Variants in SYT9 observed in about 807,000 individuals in gnomAD.
SYT9 encodes synaptotagmin-9.
Under a neutral mutation model 48.4 loss-of-function variants are expected in SYT9, and 22 were observed. The ratio of observed to expected loss-of-function variants is 0.45; its 90% CI spans 0.32 to 0.65. The LOEUF (loss-of-function observed/expected upper bound fraction) is 0.65, where lower values mean the gene tolerates loss of function less well. SYT9 is among the 30% of genes least tolerant of loss of function. The pLI is 0.03. For synonymous variants in SYT9, 265 were observed against 245.0 expected, an observed-to-expected ratio of 1.08 and a Z score of -0.76; for missense variants, 577 against 622.0, an observed-to-expected ratio of 0.93 and a Z score of 0.77.
Position 7,408,136 on chromosome 11 carries a change from T to A in SYT9, c.1045-7906T>A, listed in dbSNP as rs570200172. 3.4e-5 allele frequency among the ~76,000 whole-genome samples: 5 copies of A among 148,100 alleles called. No individual in the cohort carries two copies. The South Asian group carries it at 1.0e-3, about 31-fold the overall frequency. Reference sequence around the variant, plus strand: ...TAGGTAGTATGATTTTGTTTTTTTGTTTGTTTGTTTGAGATGGAGTCTCGC... The same window carrying A: ...TAGGTAGTATGATTTTGTTTTTTTGATTGTTTGTTTGAGATGGAGTCTCGC... On this transcript the variant is annotated intron_variant, in intron 3 of 6. Coordinates refer to ENST00000318881, the MANE Select transcript of SYT9 (RefSeq NM_175733.4).
intron 3 of SYT9, among the ~76,000 whole-genome samples, chr11:7,379,573 A>T (rs1362240635): frequency 2.0e-5 from 3 of 152,122 alleles, no homozygotes; most frequent in Admixed American, 2.0e-4. Context: ...TAATCATTGG[A>T]ATCATGAAGA....
intron 6 of SYT9, chr11:7,441,686 A>G (rs1564905371): frequency 6.6e-6 from 1 of 152,164 alleles, no homozygotes; most frequent in Non-Finnish European, 1.5e-5. Flanking sequence ...CAGACATGAA[A>G]GTAGCCACAG....
chr11:7,267,784 G>A (rs1848215843), intron 1 of SYT9, among the ~76,000 whole-genome samples: 1 of 151,736 alleles, frequency 6.6e-6, no homozygotes, highest in Non-Finnish European at 1.5e-5. Context: ...AAGAAGCAGT[G>A]TTAATAAATA....
chr11:7,395,044 G>A (rs895336350), intron 3 of SYT9, among the ~76,000 whole-genome samples: 2 of 151,820 alleles, frequency 1.3e-5, no homozygotes, highest in African/African-American at 4.8e-5. Context: ...TAGGTTTTGG[G>A]GGAACAGGTG....
At chr11:7,458,385 G>T (rs928615831) in intron 6 of SYT9, among the ~76,000 whole-genome samples, 1 of 152,180 alleles carries the variant, frequency 6.6e-6, no homozygotes, top group African/African-American at 2.4e-5. Context: ...AAAGGCTGAG[G>T]CAGGAGAGTC....
intron 3 of SYT9, among the ~76,000 whole-genome samples, chr11:7,378,801 C>G (rs1288016911): frequency 2.0e-5 from 3 of 152,070 alleles, no homozygotes; most frequent in Admixed American, 6.6e-5. Context: ...ATCTCATCAT[C>G]CCGTCTCCCA....
At chr11:7,263,480 C>A (rs1848117564) in intron 1 of SYT9, among the ~76,000 whole-genome samples, 1 of 152,134 alleles carries the variant, frequency 6.6e-6, no homozygotes, top group Admixed American at 6.5e-5. Context: ...ACATTCAGAT[C>A]TTCACACTTA....
chr11:7,355,324 C>T lies in SYT9; in HGVS notation c.1044+41383C>T, dbSNP rs146098188. ...AGGCCAGGTGGGCTCTCTTTACCCC[C>T]TAGCCTTACCTTCTCACCTGGTGGG... On this transcript the variant is annotated intron_variant, in intron 3 of 6. Coordinates refer to ENST00000318881, the MANE Select transcript of SYT9 (RefSeq NM_175733.4). Among the ~76,000 whole-genome samples the T allele has an allele frequency of 2.9e-3, 434 of 152,186 alleles. 7 individuals carry two copies. Among genetic ancestry groups the T allele is most frequent in the African/African-American group, 0.01 (424 of 41,560 alleles).
chr11:7,346,460 G>C (rs1010873742), intron 3 of SYT9, among the ~76,000 whole-genome samples: 1 of 152,170 alleles, frequency 6.6e-6, no homozygotes, highest in African/African-American at 2.4e-5. Context: ...GGGAGGGAGA[G>C]GCCAATGCAA....
chr11:7,407,360 A>ATTTTTTTTTTTTTTTTT (rs756378336), intron 3 of SYT9, among the ~76,000 whole-genome samples: 1 of 37,770 alleles, frequency 2.6e-5, no homozygotes, highest in Admixed American at 2.9e-4. Flanking sequence ...TAAGTCTATA[A>ATTTTTTTTTTTTTTTTT]TTTTTTTTTT....
At chr11:7,440,159 G>A (rs947819200) in intron 6 of SYT9, 4 of 152,232 alleles carry the variant, frequency 2.6e-5, no homozygotes, top group Admixed American at 6.5e-5. Context: ...CTGTCCAGAA[G>A]CACAGTGATG....
intron 3 of SYT9, among the ~76,000 whole-genome samples, chr11:7,358,622 G>T (rs564829653): frequency 1.3e-5 from 2 of 152,104 alleles, no homozygotes; most frequent in Non-Finnish European, 2.9e-5. Flanking sequence ...TTCATAGCTT[G>T]CAAAATATAT....
At chr11:7,406,911 A>T (rs576441370) in intron 3 of SYT9, among the ~76,000 whole-genome samples, 2 of 152,168 alleles carry the variant, frequency 1.3e-5, no homozygotes, top group South Asian at 4.1e-4. Context: ...TGATATCTCA[A>T]TGTGGTTTTA....
chr11:7,282,367 CA>C (rs1221964213), intron 1 of SYT9, among the ~76,000 whole-genome samples: 2 of 152,112 alleles, frequency 1.3e-5, no homozygotes, highest in Non-Finnish European at 2.9e-5. Context: ...TGATTGCATA[CA>C]AATCTCCTAA....
At chr11:7,337,384 A>G (rs1849647521) in intron 3 of SYT9, among the ~76,000 whole-genome samples, 2 of 152,008 alleles carry the variant, frequency 1.3e-5, no homozygotes, top group Admixed American at 1.3e-4. Flanking sequence ...TGCTCTGATC[A>G]GGACTACCAA....
At chr11:7,466,366 C>T (rs561510038) in intron 6 of SYT9, among the ~76,000 whole-genome samples, 1 of 152,162 alleles carries the variant, frequency 6.6e-6, no homozygotes, top group Non-Finnish European at 1.5e-5. Context: ...GAGTGTCCTA[C>T]TTATGGGCTT....
intron 1 of SYT9, among the ~76,000 whole-genome samples, chr11:7,276,659 A>T (rs1329511747): frequency 6.6e-6 from 1 of 151,836 alleles, no homozygotes; most frequent in Non-Finnish European, 1.5e-5. Context: ...CTCCTGGTGG[A>T]TTCTCCCTCA....
intron 3 of SYT9, among the ~76,000 whole-genome samples, chr11:7,323,887 ATT>A (rs74309140): frequency 4.0e-5 from 6 of 151,048 alleles, no homozygotes; most frequent in African/African-American, 2.4e-5. Flanking sequence ...TCAAACTGTG[ATT>A]TTTTTTTCTC....
chr11:7,320,565 G>T (rs1416771654), intron 3 of SYT9, among the ~76,000 whole-genome samples: 1 of 152,204 alleles, frequency 6.6e-6, no homozygotes, highest in Non-Finnish European at 1.5e-5. Context: ...AGCACTTGCT[G>T]CATAAAGTGA....
Sources: allele counts gnomAD v4.1 joint callset (sites outside exome capture counted in the v4.1 genomes callset), GRCh38; gene constraint gnomAD v4.1.1; transcripts MANE v1.5; gene names NCBI Gene and HGNC (gene_info 2026-07-23, HGNC 2026-07-21).